Variants in MOB3B observed in about 807,000 individuals in gnomAD.
MOB3B encodes MOB kinase activator-like 2B.
A neutral mutation model predicts 18.7 loss-of-function variants in MOB3B; 7 were observed. The observed-to-expected ratio is 0.37, with a 90% CI of 0.21 to 0.70. The LOEUF (loss-of-function observed/expected upper bound fraction) is 0.70. Among genes scored for constraint, MOB3B ranks in the 30% least tolerant of loss-of-function variants. The pLI is 0.52. For synonymous variants in MOB3B, 111 were observed against 99.9 expected, an observed-to-expected ratio of 1.11 and a Z score of -0.66; for missense variants, 253 against 281.3, an observed-to-expected ratio of 0.90 and a Z score of 0.72.
intron 1 of MOB3B, among the ~76,000 whole-genome samples, chr9:27,478,502 T>G (rs1172830599): frequency 2.0e-5 from 3 of 151,312 alleles, no homozygotes; most frequent in African/African-American, 7.3e-5. Context: ...TTCTTAAAGA[T>G]GAGAAAAACA....
intron 1 of MOB3B, among the ~76,000 whole-genome samples, chr9:27,523,890 A>G (rs1820381970): frequency 6.6e-6 from 1 of 152,208 alleles, no homozygotes; most frequent in Admixed American, 6.5e-5. Flanking sequence ...GTTTGGCTAT[A>G]GCACCAGGTA....
chr9:27,485,444 G>A (rs1819718016), intron 1 of MOB3B, among the ~76,000 whole-genome samples: 1 of 152,184 alleles, frequency 6.6e-6, no homozygotes, highest in South Asian at 2.1e-4. Flanking sequence ...CACTATTTCT[G>A]TTAAGAGCTA....
At chr9:27,336,786 G>T (rs1023224563) in intron 3 of MOB3B, among the ~76,000 whole-genome samples, 1 of 152,052 alleles carries the variant, frequency 6.6e-6, no homozygotes, top group African/African-American at 2.4e-5. Flanking sequence ...ATACTCATGC[G>T]TACACACCCC....
intron 1 of MOB3B, among the ~76,000 whole-genome samples, chr9:27,464,264 GA>G (rs766766995): frequency 5.9e-5 from 9 of 152,120 alleles, no homozygotes; most frequent in Non-Finnish European, 1.0e-4. Flanking sequence ...TAGGAGGAAA[GA>G]AAGAAAGAAA....
chr9:27,523,758 A>G (rs922088422), intron 1 of MOB3B, among the ~76,000 whole-genome samples: 2 of 152,216 alleles, frequency 1.3e-5, no homozygotes, highest in Non-Finnish European at 2.9e-5. Context: ...AAAATATCCA[A>G]ATATAGAAGC....
At chr9:27,449,590 T>G (rs1822749881) in intron 2 of MOB3B, among the ~76,000 whole-genome samples, 1 of 152,222 alleles carries the variant, frequency 6.6e-6, no homozygotes, top group African/African-American at 2.4e-5. Flanking sequence ...TCCAACATAC[T>G]GTAAATATAT....
At chr9:27,397,674 T>C (rs893259895) in intron 2 of MOB3B, 2 of 152,256 alleles carry the variant, frequency 1.3e-5, no homozygotes, top group Non-Finnish European at 2.9e-5. Context: ...CTTTCATGAC[T>C]AAATATTTTA....
chr9:27,378,863 C>A, intron 2 of MOB3B: 1 of 375,914 alleles, frequency 2.7e-6, no homozygotes, highest in South Asian at 2.1e-5. Flanking sequence ...AAATTGCAAA[C>A]CACTTATCCA....
intron 3 of MOB3B, among the ~76,000 whole-genome samples, chr9:27,347,509 G>A (rs555063733): frequency 6.6e-6 from 1 of 152,356 alleles, no homozygotes; most frequent in South Asian, 2.1e-4. Context: ...CTTCTGAAGT[G>A]CAGTCTTGGG....
chr9:27,348,795 T>C (rs1201377404), intron 3 of MOB3B, among the ~76,000 whole-genome samples: 1 of 152,234 alleles, frequency 6.6e-6, no homozygotes, highest in African/African-American at 2.4e-5. Context: ...AGAAGATACA[T>C]GGTGATTTCC....
rs1020902376 is a variant in MOB3B at position 27,330,324 on chromosome 9, C to G, written c.*263G>C. On this transcript the variant is annotated 3_prime_UTR_variant, in exon 4 of 4. Transcript: ENST00000262244. ...GGAAGTGCAGAGGCTTCCTCGTGGA[C>G]AATTCCCCAGCCAGAACGGTCAAGG... is the stretch of plus-strand genomic sequence containing the variant. 2.4e-6 allele frequency: 1 copy of G among 411,124 alleles called. No homozygotes were observed. The allele number at this position is 411,124 out of a possible 1,614,324, so 25.5% of individuals were successfully genotyped here. A position where few individuals can be genotyped will look rare whatever the true frequency, so the allele number is the denominator to read the frequency against.
At chr9:27,457,817 C>T (rs1023044485) in intron 1 of MOB3B, among the ~76,000 whole-genome samples, 3 of 152,048 alleles carry the variant, frequency 2.0e-5, no homozygotes, top group Admixed American at 2.0e-4. Context: ...CTTCTGGGTA[C>T]CCTGGAATAG....
In MOB3B at chr9:27,359,196, C is replaced by A; in HGVS notation, c.459G>T (p.Lys153Asn). The A allele has an allele frequency of 1.2e-6, 2 of 1,614,146 alleles. No individual in the cohort carries two copies. Among genetic ancestry groups the A allele is most frequent in the South Asian group, 1.1e-5 (1 of 91,082 alleles). Residue 153 changes from lysine to asparagine, a missense_variant, in exon 3 of 4, where the codon AAG (lysine) becomes AAT (asparagine). Coordinates refer to ENST00000262244, the MANE Select transcript of MOB3B (RefSeq NM_024761.5). ...FPKNFLQICK[K>N]ILCRLFRVFV... ...AGACCCGGAAAAGGCGGCACAGGAT[C>A]TTCTTGCAGATCTGAAGGAAGTTCT...
At chr9:27,520,685 C>T (rs7852782) in intron 1 of MOB3B, among the ~76,000 whole-genome samples, 1 of 151,926 alleles carries the variant, frequency 6.6e-6, no homozygotes, top group Non-Finnish European at 1.5e-5. Context: ...ACACTTGTTA[C>T]GGGTATGTGC....
At chr9:27,400,267 G>A (rs565031976) in intron 2 of MOB3B, among the ~76,000 whole-genome samples, 6 of 152,290 alleles carry the variant, frequency 3.9e-5, no homozygotes, top group Non-Finnish European at 7.4e-5. Flanking sequence ...TGATTGTATT[G>A]TTAATTGTAG....
intron 2 of MOB3B, among the ~76,000 whole-genome samples, chr9:27,383,513 G>A (rs1214752643): frequency 6.6e-6 from 1 of 152,158 alleles, no homozygotes; most frequent in Admixed American, 6.5e-5. Context: ...CATGAGAGAG[G>A]GCCAGATAAC....
At chr9:27,453,615 C>T (rs537972195) in intron 2 of MOB3B, among the ~76,000 whole-genome samples, 1 of 152,152 alleles carries the variant, frequency 6.6e-6, no homozygotes, top group Non-Finnish European at 1.5e-5. Flanking sequence ...ACTATGACTT[C>T]TGGTCAGTAC....
chr9:27,366,976 C>T (rs190022790), intron 2 of MOB3B, among the ~76,000 whole-genome samples: 329 of 152,320 alleles, frequency 2.2e-3, no homozygotes, highest in African/African-American at 7.6e-3. Flanking sequence ...GGTAATTCCA[C>T]ATGTATCTGT....
chr9:27,452,224 C>CG, intron 2 of MOB3B, among the ~76,000 whole-genome samples: 1 of 152,298 alleles, frequency 6.6e-6, no homozygotes, highest in Middle Eastern at 3.4e-3. Flanking sequence ...ATCCATCCAT[C>CG]CATCCATCCA....
Sources: allele counts gnomAD v4.1 joint callset (sites outside exome capture counted in the v4.1 genomes callset), GRCh38; gene constraint gnomAD v4.1.1; transcripts MANE v1.5; gene names NCBI Gene and HGNC (gene_info 2026-07-23, HGNC 2026-07-21).